The following DDC variants were observed in gnomAD, a reference collection of about 807,000 sequenced individuals.
The protein encoded by DDC is aromatic-L-amino-acid decarboxylase.
In DDC, 43 loss-of-function variants were observed where a neutral mutation model predicts 60.0. That is an observed-to-expected ratio of 0.72 (90% confidence interval 0.56 to 0.92). The LOEUF is 0.92. DDC is among the 40% of genes least tolerant of loss of function. The pLI is 0.00. For missense variants in DDC, 573 were observed against 620.2 expected (o/e 0.92, Z 0.81); for synonymous variants, 232 against 234.6 (o/e 0.99, Z 0.10).
intron 1 of DDC, among the ~76,000 whole-genome samples, chr7:50,560,320 C>T (rs1193012740): frequency 6.6e-6 from 1 of 152,136 alleles, no homozygotes; most frequent in Non-Finnish European, 1.5e-5. Flanking sequence ...ATGTCACCTG[C>T]CTGAATTTCG....
chr7:50,518,313 A>G (rs952937634), intron 6 of DDC, among the ~76,000 whole-genome samples: 2 of 152,170 alleles, frequency 1.3e-5, no homozygotes, highest in African/African-American at 4.8e-5. Context: ...CCATACTACC[A>G]AAAGCAATCT....
At chr7:50,504,100 C>G in intron 6 of DDC, 41 bp from the exon 7 acceptor site, 1 of 1,429,396 alleles carries the variant, frequency 7.0e-7, no homozygotes, top group Non-Finnish European at 9.9e-7. Flanking sequence ...TCCCCAGGTG[C>G]CAGTCACCGC....
At chr7:50,461,308 C>G (rs75679225) in intron 14 of DDC, among the ~76,000 whole-genome samples, 114 of 152,306 alleles carry the variant, frequency 7.5e-4, no homozygotes, top group Non-Finnish European at 1.5e-3. Flanking sequence ...TACTTTCTCT[C>G]AGAGCTATGA....
intron 9 of DDC, among the ~76,000 whole-genome samples, chr7:50,490,203 C>T (rs1261439890): frequency 6.6e-6 from 1 of 152,170 alleles, no homozygotes; most frequent in Non-Finnish European, 1.5e-5. Flanking sequence ...GAAAAACTGG[C>T]CCCATACCTT....
intron 6 of DDC, among the ~76,000 whole-genome samples, chr7:50,518,225 A>AG (rs2043792261): frequency 6.6e-6 from 1 of 151,492 alleles, no homozygotes; most frequent in Admixed American, 6.6e-5. Flanking sequence ...AAAAAAAAAA[A>AG]AGAAATCATA....
At chr7:50,550,693 G>A (rs1053355610) in intron 1 of DDC, among the ~76,000 whole-genome samples, 2 of 152,178 alleles carry the variant, frequency 1.3e-5, no homozygotes, top group African/African-American at 4.8e-5. Context: ...TGGGCTCCCA[G>A]GTCACGGTAG....
In DDC at chr7:50,537,907, T is replaced by C; in HGVS notation, c.388A>G (p.Lys130Glu). 1 of 1,614,134 alleles carries C rather than the reference T, an allele frequency of 6.2e-7. No homozygotes were observed. The highest frequency in any genetic ancestry group is 8.5e-7 in the Non-Finnish European group (1 of 1,180,038). Reference protein sequence around the residue: ...DWLGKMLELPKAFLNEKAGEG... With the variant: ...DWLGKMLELPEAFLNEKAGEG... ...CCAGCTTTCTCATTCAAAAATGCCT[T>C]TGGTAGTTCCAGCATCTTCCCGAGC... Residue 130 changes from lysine to glutamate, a missense_variant, in exon 4 of 15, where the codon AAG becomes GAG. Lys to Glu is a moderately conservative substitution (Grantham distance 56, BLOSUM62 1). Coordinates refer to ENST00000444124, the MANE Select transcript of DDC (RefSeq NM_001082971.2).
rs1035740282 is a variant in DDC, at chr7:50,504,038, T to C, written c.736A>G (p.Thr246Ala). 6.2e-7 allele frequency: 1 copy of C among 1,613,816 alleles called. No individual in the cohort carries two copies. The highest frequency in any genetic ancestry group is 8.5e-7 in the Non-Finnish European group (1 of 1,179,782). Residue 246 changes from threonine (T) to alanine (A), a missense_variant, in exon 7 of 15, where the codon ACA (threonine) becomes GCA (alanine). By Grantham distance (58) the Thr-to-Ala change is moderately conservative. Coordinates refer to ENST00000444124, the MANE Select transcript of DDC (RefSeq NM_001082971.2). ...PFFMVATLGT[T>A]TCCSFDNLLE... is the part of the protein sequence containing the mutation. Reference sequence around the variant, plus strand: ...AGATTGTCAAAGGAGCAGCATGTTGTGGTCCCCAGGGTGGCAACCATCTAG... The same window carrying C: ...AGATTGTCAAAGGAGCAGCATGTTGCGGTCCCCAGGGTGGCAACCATCTAG...
chr7:50,482,233 AAG>A (rs1396364846), intron 9 of DDC, among the ~76,000 whole-genome samples: 2 of 152,228 alleles, frequency 1.3e-5, no homozygotes, highest in Admixed American at 1.3e-4. Context: ...GTTTAGTATG[AAG>A]AGACTATTGT....
intron 11 of DDC, among the ~76,000 whole-genome samples, chr7:50,470,486 G>A (rs11575492): frequency 0.012 from 1,895 of 152,360 alleles, 39 homozygotes; most frequent in African/African-American, 0.043. Flanking sequence ...CTAGGGTTCC[G>A]TGGTGAGCAA....
At chr7:50,544,485 G>C (rs1394307620) in intron 1 of DDC, among the ~76,000 whole-genome samples, 1 of 152,084 alleles carries the variant, frequency 6.6e-6, no homozygotes, top group Non-Finnish European at 1.5e-5. Context: ...TTGCCCCTTA[G>C]AGCCCCTCTC....
At chr7:50,534,525 A>G (rs1174262331) in intron 4 of DDC, among the ~76,000 whole-genome samples, 1 of 152,080 alleles carries the variant, frequency 6.6e-6, no homozygotes, top group Non-Finnish European at 1.5e-5. Context: ...TTGAACCGGG[A>G]GGCAGTGGTT....
intron 6 of DDC, among the ~76,000 whole-genome samples, chr7:50,506,005 A>G (rs2043383195): frequency 6.6e-6 from 1 of 152,224 alleles, no homozygotes; most frequent in Non-Finnish European, 1.5e-5. Flanking sequence ...TCAGTTGGGC[A>G]GCAGAGGGGT....
At chr7:50,532,762 T>C (rs539598859) in intron 4 of DDC, among the ~76,000 whole-genome samples, 2 of 152,120 alleles carry the variant, frequency 1.3e-5, no homozygotes, top group Non-Finnish European at 2.9e-5. Context: ...TTTTGAGGAG[T>C]ATATAATTAG....
intron 6 of DDC, among the ~76,000 whole-genome samples, chr7:50,523,227 T>C (rs2043948674): frequency 6.6e-6 from 1 of 152,194 alleles, no homozygotes; most frequent in African/African-American, 2.4e-5. Flanking sequence ...TCCGAGAAGA[T>C]AATATAGGAG....
At position 50,555,192 on chromosome 7, in the gene DDC, T is replaced by C. The variant is rs553168048; in HGVS notation, c.-29+10093A>G. 3.3e-5 allele frequency among the ~76,000 whole-genome samples: 5 copies of C among 152,124 alleles called. No homozygotes were observed. In the South Asian group the frequency reaches 1.0e-3, roughly 32 times the overall value. ...CACGGGGATGGTGGTACCTCTGCCT[T>C]CGAGCCTCCCACTAAACCTCCCATT... On this transcript the variant is annotated intron_variant, in intron 1 of 14. Transcript: ENST00000444124.
At chr7:50,496,638 A>G (rs542291991) in intron 8 of DDC, among the ~76,000 whole-genome samples, 1 of 152,294 alleles carries the variant, frequency 6.6e-6, no homozygotes, top group African/African-American at 2.4e-5. Context: ...TTATCACCTG[A>G]CTGGTGAACA....
At chr7:50,492,683 AAT>A (rs1491151960) in intron 9 of DDC, 179 of 1,221,542 alleles carry the variant, frequency 1.5e-4, no homozygotes, top group Non-Finnish European at 1.8e-4. Context: ...TCTACAAGGA[AAT>A]TTTCCAAATG....
At chr7:50,481,931 T>C (rs2042778177) in intron 9 of DDC, among the ~76,000 whole-genome samples, 1 of 152,270 alleles carries the variant, frequency 6.6e-6, no homozygotes, top group Non-Finnish European at 1.5e-5. Flanking sequence ...CACTCATTTG[T>C]ATGACCTCCT....
Sources: allele counts gnomAD v4.1 joint callset (sites outside exome capture counted in the v4.1 genomes callset), GRCh38; gene constraint gnomAD v4.1.1; transcripts MANE v1.5; gene names NCBI Gene and HGNC (gene_info 2026-07-23, HGNC 2026-07-21).